The following ADCY7 variants were observed in gnomAD, a reference collection of about 807,000 sequenced individuals.
ADCY7 encodes adenylate cyclase 7, also known as adenylate cyclase type 7.
A neutral mutation model predicts 120.6 loss-of-function variants in ADCY7; 72 were observed. The observed-to-expected ratio is 0.60, with a 90% CI of 0.49 to 0.73. The LOEUF is 0.73. ADCY7 is among the 30% of genes least tolerant of loss of function. The probability of loss-of-function intolerance (pLI) is 0.00; values close to 1 mark genes in which losing one functional copy is unlikely to be tolerated. For missense variants in ADCY7, 1,227 were observed against 1,486.0 expected (o/e 0.83, Z 2.87); for synonymous variants, 661 against 628.0 (o/e 1.05, Z -0.78).
intron 25 of ADCY7, 73 bp downstream of exon 25, chr16:50,315,211 A>G: frequency 6.3e-7 from 1 of 1,588,596 alleles, no homozygotes; most frequent in Non-Finnish European, 8.6e-7. Context: ...CTTGGACTTA[A>G]GAGCTGCTGT....
chr16:50,296,856 G>A (rs1181401840), intron 7 of ADCY7, among the ~76,000 whole-genome samples: 1 of 152,206 alleles, frequency 6.6e-6, no homozygotes, highest in African/African-American at 2.4e-5. Flanking sequence ...GGGATGCTCT[G>A]GAAAACTGTC....
At chr16:50,249,682 G>A (rs2032696175) in intron 1 of ADCY7, among the ~76,000 whole-genome samples, 1 of 152,240 alleles carries the variant, frequency 6.6e-6, no homozygotes, top group Non-Finnish European at 1.5e-5. Context: ...TTATCGCCCA[G>A]TTTGCCAGGA....
chr16:50,310,464 C>T, intron 18 of ADCY7: 1 of 1,536,286 alleles, frequency 6.5e-7, no homozygotes, highest in Non-Finnish European at 8.7e-7. Flanking sequence ...CACCTGCATA[C>T]TGTTTTTTCC....
At chr16:50,294,617 CT>C in intron 6 of ADCY7, 22 bp from the exon 7 acceptor site, 1 of 1,302,146 alleles carries the variant, frequency 7.7e-7, no homozygotes, top group Non-Finnish European at 1.1e-6. Flanking sequence ...CTGACACTCC[CT>C]CCCACCCTGC....
intron 1 of ADCY7, among the ~76,000 whole-genome samples, chr16:50,246,716 C>A (rs574268795): frequency 6.6e-6 from 1 of 152,182 alleles, no homozygotes; most frequent in Non-Finnish European, 1.5e-5. Context: ...GGACCAGGGT[C>A]CAGGGGAGAG....
Position 50,312,187 on chromosome 16 carries a change from A to G in ADCY7, c.2600A>G (p.Asn867Ser). ...VAAHFIGDKL[N>S]EDWYHQSYDC... ...GCCCACTTTATCGGTGACAAGTTAA[A>G]CGAGGTGTGCTGAGAAGGGGCTGGG... Residue 867 changes from asparagine to serine, a missense_variant, in exon 21 of 26, where the codon AAC (asparagine) becomes AGC (serine). Transcript: ENST00000673801. The G allele has an allele frequency of 3.7e-6, 6 of 1,611,784 alleles. No individual in the cohort carries two copies. Among genetic ancestry groups the G allele is most frequent in the South Asian group, 1.1e-5 (1 of 90,990 alleles).
intron 18 of ADCY7, among the ~76,000 whole-genome samples, chr16:50,310,015 G>T (rs1272660115): frequency 6.6e-6 from 1 of 152,216 alleles, no homozygotes; most frequent in Non-Finnish European, 1.5e-5. Context: ...ATGGCGCCAG[G>T]GCAGGCCCAG....
chr16:50,293,270 C>T, intron 5 of ADCY7, 84 bp from the exon 6 acceptor site: 6 of 1,511,128 alleles, frequency 4.0e-6, no homozygotes, highest in Non-Finnish European at 5.4e-6. Flanking sequence ...GGTCTGGGAC[C>T]TGATGCTACC....
intron 15 of ADCY7, 137 bp from the exon 16 acceptor site, chr16:50,308,189 GT>G (rs2036205729): frequency 1.3e-6 from 2 of 1,490,182 alleles, no homozygotes; most frequent in East Asian, 4.6e-5. Flanking sequence ...CTGGGCCACA[GT>G]TTTCACAGGT....
intron 1 of ADCY7, among the ~76,000 whole-genome samples, chr16:50,278,706 T>C (rs555856827): frequency 9.9e-5 from 15 of 152,278 alleles, no homozygotes; most frequent in Admixed American, 5.2e-4. Context: ...TGGTATAAGT[T>C]GTGAATCCAG....
chr16:50,314,627 A>G, intron 24 of ADCY7: 1 of 530,538 alleles, frequency 1.9e-6, no homozygotes, highest in Non-Finnish European at 3.3e-6. Flanking sequence ...GAAAATGGAG[A>G]ACCAAAATTA....
At chr16:50,263,663 T>C (rs1391391382), upstream of ADCY7, among the ~76,000 whole-genome samples, 1 of 151,968 alleles carries the variant, frequency 6.6e-6, no homozygotes, top group Non-Finnish European at 1.5e-5. Flanking sequence ...TGTCCAGGCA[T>C]CTACATGTGT....
At chr16:50,255,402 G>GGAAAAAAA (rs368044444) in intron 1 of ADCY7, among the ~76,000 whole-genome samples, 2 of 108,142 alleles carry the variant, frequency 1.8e-5, no homozygotes, top group African/African-American at 7.4e-5. Flanking sequence ...TCTGTTTCTG[G>GGAAAAAAA]AAAAAAAAAA....
chr16:50,300,967 G>T, intron 9 of ADCY7, 94 bp downstream of exon 9: 1 of 1,532,514 alleles, frequency 6.5e-7, no homozygotes, highest in Non-Finnish European at 8.8e-7. Context: ...GGTGTGGAGG[G>T]AGAGATGAAT....
intron 2 of ADCY7, chr16:50,289,238 G>T (rs2034785789): frequency 2.8e-6 from 1 of 362,456 alleles, no homozygotes; most frequent in Admixed American, 3.9e-5. Flanking sequence ...GCCTCGCTAT[G>T]TTGCCCAGGC....
At chr16:50,257,265 A>T (rs542626178) in intron 1 of ADCY7, among the ~76,000 whole-genome samples, 2 of 151,530 alleles carry the variant, frequency 1.3e-5, no homozygotes, top group Non-Finnish European at 2.9e-5. Flanking sequence ...AATTGAACTC[A>T]GAAGCAGCAA....
intron 24 of ADCY7, chr16:50,314,676 A>G: frequency 4.2e-6 from 2 of 476,302 alleles, no homozygotes; most frequent in Non-Finnish European, 7.5e-6. Flanking sequence ...TAGAGAAGGA[A>G]GCAAAGTTAC....
chr16:50,311,756 C>A lies in ADCY7; in HGVS notation c.2418C>A (p.Phe806Leu), dbSNP rs71384555. The stretch of plus-strand genomic sequence containing the variant: ...TGACCAATTTCTACCTGGTCCTGTT[C>A]TACATCACCCTGCTTACACTCTCCA... Reference protein sequence around the residue: ...KTMTNFYLVLFYITLLTLSRQ... With the variant: ...KTMTNFYLVLLYITLLTLSRQ... The change falls in exon 20 of 26, where the codon TTC (phenylalanine) becomes TTA (leucine). Residue 806 changes from phenylalanine to leucine, a missense_variant. This residue lies in a region of ADCY7 where 267 missense variants were observed against 270.0 expected (regional missense o/e 0.99). Coordinates refer to ENST00000673801, the MANE Select transcript of ADCY7 (RefSeq NM_001114.5). The A allele has an allele frequency of 5.3e-6, 8 of 1,495,438 alleles. No individual in the cohort carries two copies. Among genetic ancestry groups the A allele is most frequent in the African/African-American group, 1.5e-5 (1 of 67,614 alleles). 92.6% of individuals were successfully genotyped at this position (1,495,438 alleles called of 1,614,324 possible). A position where few individuals can be genotyped will look rare whatever the true frequency, so the allele number is the denominator to read the frequency against.
chr16:50,288,274 G>A lies in ADCY7; in HGVS notation c.95G>A (p.Gly32Glu), dbSNP rs745950378. Reference protein sequence around the residue: ...YEKYQLTSQHGPLLLTLLLVA... With the variant: ...YEKYQLTSQHEPLLLTLLLVA... Reference sequence around the variant, plus strand: ...AAGTACCAGCTCACCAGCCAGCATGGGCCGCTGCTGCTCACGCTCCTGCTG... The same window carrying A: ...AAGTACCAGCTCACCAGCCAGCATGAGCCGCTGCTGCTCACGCTCCTGCTG... The change falls in exon 2 of 26, where the codon GGG becomes GAG. Residue 32 changes from glycine (G) to glutamate (E), a missense_variant. This residue lies in a region of ADCY7 where 382 missense variants were observed against 411.4 expected (regional missense o/e 0.93). Transcript: ENST00000673801. 66 of 1,551,048 alleles carry A rather than the reference G, an allele frequency of 4.3e-5. No individual in the cohort carries two copies. The highest frequency in any genetic ancestry group is 1.4e-4 in the Admixed American group (7 of 50,992).
Sources: allele counts gnomAD v4.1 joint callset (sites outside exome capture counted in the v4.1 genomes callset), GRCh38; gene constraint gnomAD v4.1.1; regional missense constraint gnomAD v4.1.1; transcripts MANE v1.5; gene names NCBI Gene and HGNC (gene_info 2026-07-23, HGNC 2026-07-21).